Variants in STK26 observed in about 807,000 individuals in gnomAD.
STK26 encodes the protein serine/threonine-protein kinase 26.
A neutral mutation model predicts 34.7 loss-of-function variants in STK26; 14 were observed. The ratio of observed to expected loss-of-function variants is 0.40; its 90% CI spans 0.27 to 0.63. STK26 has a LOEUF of 0.63. STK26 is among the 30% of genes least tolerant of loss of function. The pLI, the probability that STK26 is intolerant of heterozygous loss-of-function variation, is 0.38. For missense variants in STK26, 226 were observed against 309.1 expected, an observed-to-expected ratio of 0.73 and a Z score of 2.02; for synonymous variants, 100 against 109.8, an observed-to-expected ratio of 0.91 and a Z score of 0.56.
In STK26 at chrX:132,058,889, T is replaced by A. The variant is rs184793544; in HGVS notation, c.273+4028T>A. Among the ~76,000 whole-genome samples, 5 of 110,854 alleles carry A rather than the reference T, an allele frequency of 4.5e-5. No individual in the cohort carries two copies. In the East Asian group the frequency reaches 1.4e-3, roughly 31 times the overall value. On this transcript the variant is annotated intron_variant, in intron 3 of 11. Transcript: ENST00000394334. The stretch of plus-strand genomic sequence containing the variant: ...ATGTTGATTATTTGTGTTCTGAATC[T>A]ATTTAAAGTAAATAAATCTGTGTGT...
chrX:132,050,538 G>A (rs1926650880), intron 2 of STK26, among the ~76,000 whole-genome samples: 1 of 111,302 alleles, frequency 9.0e-6, no homozygotes, highest in Admixed American at 9.6e-5. Context: ...CCTATACATG[G>A]GTTTCACATT....
chrX:132,060,896 C>T (rs767758018), intron 3 of STK26, among the ~76,000 whole-genome samples: 8 of 111,018 alleles, frequency 7.2e-5, no homozygotes, highest in East Asian at 2.8e-4. Context: ...GGATTACAGG[C>T]GTGTTGTGCA....
In STK26 at chrX:132,023,677, GC is replaced by G. The variant is rs1235681962; in HGVS notation, c.42+23del. 6 of 1,172,961 alleles carry G rather than the reference GC, an allele frequency of 5.1e-6. No individual in the cohort carries two copies. The highest frequency in any genetic ancestry group is 3.2e-5 in the East Asian group (1 of 31,706). ...GGATGCAGGTGAGGAAGCGCAGGCC[GC>G]CCCCGCCGCCCACGTGACTGCTTGG... On this transcript the variant is annotated intron_variant, in intron 2 of 11. Transcript: ENST00000394334.
At chrX:132,065,168 T>C (rs1037832050) in intron 4 of STK26, among the ~76,000 whole-genome samples, 5 of 111,707 alleles carry the variant, frequency 4.5e-5, no homozygotes, top group African/African-American at 1.6e-4. Context: ...ACCACTGATG[T>C]TTCTTTGTGT....
At chrX:132,068,373 A>C (rs757681125) in intron 5 of STK26, 39 bp from the exon 6 acceptor site, 1 of 1,202,205 alleles carries the variant, frequency 8.3e-7, no homozygotes. Context: ...CATTCTGAGC[A>C]AGCTGAGTTT....
chrX:132,032,117 C>A (rs773801211), intron 2 of STK26, among the ~76,000 whole-genome samples: 1 of 111,811 alleles, frequency 8.9e-6, no homozygotes, highest in South Asian at 3.8e-4. Flanking sequence ...TAAAAACTCC[C>A]CCTCAGGCTT....
intron 4 of STK26, among the ~76,000 whole-genome samples, chrX:132,067,505 C>G (rs1927260123): frequency 8.9e-6 from 1 of 111,913 alleles, no homozygotes; most frequent in African/African-American, 3.2e-5. Flanking sequence ...TCTCCTGAAA[C>G]CTAATCATTG....
chrX:132,075,262 G>A lies in STK26; in HGVS notation c.*1103G>A, dbSNP rs971285659. 1 of 110,942 alleles carries A rather than the reference G, an allele frequency of 9.0e-6. No homozygotes were observed. The highest frequency in any genetic ancestry group is 1.9e-5 in the Non-Finnish European group (1 of 52,751). 9.1% of individuals were successfully genotyped at this position (110,942 alleles called of 1,213,427 possible). On this transcript the variant is annotated 3_prime_UTR_variant, in exon 12 of 12. Transcript: ENST00000394334. ...CAGTTAATTTTCACTTATATTTATG[G>A]TACTATTATGTGGGTGATGCCTTTT... is the stretch of plus-strand genomic sequence containing the variant.
intron 2 of STK26, among the ~76,000 whole-genome samples, chrX:132,038,979 T>C (rs1020449614): frequency 9.0e-6 from 1 of 111,606 alleles, no homozygotes; most frequent in Non-Finnish European, 1.9e-5. Context: ...CTTTTAACTT[T>C]ACAGTAGTTT....
chrX:132,071,906 T>A (rs754618804), intron 8 of STK26, among the ~76,000 whole-genome samples: 2 of 111,679 alleles, frequency 1.8e-5, no homozygotes, highest in Non-Finnish European at 3.8e-5. Context: ...TCAGAATAAT[T>A]TGTGCCCTAT....
At chrX:132,055,262 C>T (rs999075680) in intron 3 of STK26, among the ~76,000 whole-genome samples, 3 of 112,301 alleles carry the variant, frequency 2.7e-5, no homozygotes, top group African/African-American at 9.7e-5. Context: ...TAGTTATTTA[C>T]ACATTTCTCT....
At position 132,038,414 on chromosome X, in the gene STK26, C is replaced by T. The variant is rs761353863; in HGVS notation, c.42+14755C>T. Among the ~76,000 whole-genome samples the T allele has an allele frequency of 2.7e-5, 3 of 110,987 alleles. No homozygotes were observed. The Admixed American group carries it at 2.9e-4, about 11-fold the overall frequency. ...AAGAAAATGTCTAAAGAGTCTTTTT[C>T]GTTGGTAGAAAGCTTGTGAAAGATC... On this transcript the variant is annotated intron_variant, in intron 2 of 11. Coordinates refer to ENST00000394334, the MANE Select transcript of STK26 (RefSeq NM_016542.4).
intron 2 of STK26, among the ~76,000 whole-genome samples, chrX:132,048,889 T>C (rs1483742376): frequency 8.9e-6 from 1 of 112,480 alleles, no homozygotes; most frequent in Non-Finnish European, 1.9e-5. Flanking sequence ...TATCTGGCAC[T>C]TAAAAAAGAT....
At chrX:132,042,747 A>G (rs181539416) in intron 2 of STK26, among the ~76,000 whole-genome samples, 1 of 111,421 alleles carries the variant, frequency 9.0e-6, no homozygotes, top group African/African-American at 3.3e-5. Context: ...CTTTTGTTCA[A>G]TAACCTCCTC....
intron 2 of STK26, among the ~76,000 whole-genome samples, chrX:132,042,085 A>T (rs1446330390): frequency 1.8e-5 from 2 of 111,343 alleles, no homozygotes; most frequent in Non-Finnish European, 3.8e-5. Context: ...CAATGGGTGT[A>T]AAAACGGGTG....
At chrX:132,033,596 T>C (rs1359975262) in intron 2 of STK26, among the ~76,000 whole-genome samples, 1 of 112,096 alleles carries the variant, frequency 8.9e-6, no homozygotes, top group Non-Finnish European at 1.9e-5. Context: ...CTTATGTGCT[T>C]GTCAGTAAAT....
In STK26 at chrX:132,072,310, C is replaced by T; in HGVS notation, c.975C>T (p.Ser325=). ...AAAACAATACTCATCCTGAATGGAG[C>T]TTTACCACCGTACGAAAGAAGCCTG... ...SRENNTHPEW[S]FTTVRKKPDP... Residue 325 remains serine, a synonymous_variant, in exon 9 of 12, where the codon AGC becomes AGT. Coordinates refer to ENST00000394334, the MANE Select transcript of STK26 (RefSeq NM_016542.4). The T allele has an allele frequency of 8.3e-7, 1 of 1,209,435 alleles. No homozygotes were observed. The highest frequency in any genetic ancestry group is 1.8e-5 in the South Asian group (1 of 56,890).
rs751332921 is a variant in STK26 at position 132,072,950 on chromosome X, TTCTC to T, written c.1090-6_1090-3del. 7 of 1,207,037 alleles carry T rather than the reference TTCTC, an allele frequency of 5.8e-6. No individual in the cohort carries two copies. The Admixed American group carries it at 1.1e-4, about 19-fold the overall frequency. On this transcript the variant is annotated splice_polypyrimidine_tract_variant and splice_region_variant and intron_variant, in intron 10 of 11. Coordinates refer to ENST00000394334, the MANE Select transcript of STK26 (RefSeq NM_016542.4). Reference sequence around the variant, plus strand: ...TTTTAAATGTTTTAACTATTATTCTTTCTCAGCTTAAACAGCAGGACGAGAATAA... The same window carrying T: ...TTTTAAATGTTTTAACTATTATTCTTAGCTTAAACAGCAGGACGAGAATAA...
intron 7 of STK26, among the ~76,000 whole-genome samples, chrX:132,069,935 G>A (rs1274154585): frequency 9.0e-6 from 1 of 111,112 alleles, no homozygotes; most frequent in Non-Finnish European, 1.9e-5. Context: ...ATAAATTTGA[G>A]AAATAAAGTT....
Sources: gnomAD v4.1 joint callset for allele counts (sites outside exome capture counted in the v4.1 genomes callset) on GRCh38, gnomAD v4.1.1 for gene constraint, MANE v1.5 for transcripts, NCBI Gene and HGNC (gene_info 2026-07-23, HGNC 2026-07-21) for gene names.